Variants in GTF2E2 observed in about 807,000 individuals in gnomAD.
The protein encoded by GTF2E2 is general transcription factor IIE subunit 2, also known as transcription initiation factor IIE subunit beta.
Under a neutral mutation model 40.5 loss-of-function variants are expected in GTF2E2, and 21 were observed. The observed-to-expected ratio is 0.52, with a 90% CI of 0.37 to 0.75. The LOEUF (loss-of-function observed/expected upper bound fraction) is 0.75, where lower values mean the gene tolerates loss of function less well. GTF2E2 is among the 30% of genes least tolerant of loss of function. The pLI is 0.00. For missense variants in GTF2E2, 298 were observed against 338.4 expected (o/e 0.88, Z 0.94); for synonymous variants, 117 against 121.6 (o/e 0.96, Z 0.25).
chr8:30,606,290 T>A (rs944576190), intron 6 of GTF2E2, among the ~76,000 whole-genome samples: 1 of 152,214 alleles, frequency 6.6e-6, no homozygotes, highest in Non-Finnish European at 1.5e-5. Flanking sequence ...TAAAGCCCTA[T>A]CTACCAGAAC....
Position 30,635,313 on chromosome 8 carries a change from G to A in GTF2E2, c.167-190C>T, listed in dbSNP as rs180760276. Among the ~76,000 whole-genome samples the A allele has an allele frequency of 2.6e-5, 4 of 152,114 alleles. No homozygotes were observed. The East Asian group carries it at 5.8e-4, about 22-fold the overall frequency. On this transcript the variant is annotated intron_variant, in intron 2 of 7. Coordinates refer to ENST00000355904, the MANE Select transcript of GTF2E2 (RefSeq NM_002095.6). ...TAAAGTACCAATTTTCTCACTAAGG[G>A]TAGAAACAAAGTATAAATAACTTAA...
At chr8:30,586,526 A>G (rs980186531) in intron 6 of GTF2E2, among the ~76,000 whole-genome samples, 3 of 152,216 alleles carry the variant, frequency 2.0e-5, no homozygotes, top group South Asian at 4.1e-4. Flanking sequence ...TTTTCACATA[A>G]ATAGAAAAAA....
intron 2 of GTF2E2, among the ~76,000 whole-genome samples, chr8:30,640,793 C>G (rs1433455042): frequency 6.6e-6 from 1 of 152,120 alleles, no homozygotes; most frequent in Non-Finnish European, 1.5e-5. Context: ...CAACCTCTGC[C>G]GCCCAGGTTC....
intron 4 of GTF2E2, 32 bp downstream of exon 4, chr8:30,614,576 A>T: frequency 8.5e-7 from 1 of 1,173,322 alleles, no homozygotes; most frequent in Non-Finnish European, 1.3e-6. Context: ...TAGTTACAGG[A>T]AATCTCTCTT....
At chr8:30,637,062 C>T (rs1050088850) in intron 2 of GTF2E2, 2 of 396,446 alleles carry the variant, frequency 5.0e-6, no homozygotes, top group Admixed American at 3.3e-5. Context: ...ATTACTGTCC[C>T]CTTTTAAATA....
At chr8:30,637,474 A>G (rs1359479155) in intron 2 of GTF2E2, among the ~76,000 whole-genome samples, 1 of 152,208 alleles carries the variant, frequency 6.6e-6, no homozygotes, top group Admixed American at 6.5e-5. Flanking sequence ...GCATTCCTTT[A>G]TGGCCCCAGA....
chr8:30,589,908 G>A (rs1490909572), intron 6 of GTF2E2, among the ~76,000 whole-genome samples: 4 of 152,200 alleles, frequency 2.6e-5, no homozygotes, highest in Non-Finnish European at 4.4e-5. Flanking sequence ...TACAATGGGA[G>A]AAACACCATA....
intron 1 of GTF2E2, among the ~76,000 whole-genome samples, chr8:30,655,787 C>T (rs918642223): frequency 6.6e-6 from 1 of 151,920 alleles, no homozygotes; most frequent in East Asian, 1.9e-4. Flanking sequence ...AATCAAAAAC[C>T]TGCCTTCTCT....
chr8:30,629,020 C>T (rs540830690), intron 3 of GTF2E2, among the ~76,000 whole-genome samples: 1 of 152,154 alleles, frequency 6.6e-6, no homozygotes, highest in South Asian at 2.1e-4. Context: ...ATAACTTACA[C>T]TAATTAATTT....
At chr8:30,626,803 A>C (rs566860598) in intron 3 of GTF2E2, among the ~76,000 whole-genome samples, 9 of 152,232 alleles carry the variant, frequency 5.9e-5, no homozygotes, top group Admixed American at 2.0e-4. Flanking sequence ...CTAGGTTAGT[A>C]ATCCAAAGAG....
intron 6 of GTF2E2, among the ~76,000 whole-genome samples, chr8:30,599,280 A>C (rs1051759886): frequency 6.6e-6 from 1 of 152,154 alleles, no homozygotes; most frequent in African/African-American, 2.4e-5. Context: ...AAACCAAAAA[A>C]ATAAATAAAT....
chr8:30,596,236 G>A (rs911018168), intron 6 of GTF2E2, among the ~76,000 whole-genome samples: 2 of 152,016 alleles, frequency 1.3e-5, no homozygotes. Flanking sequence ...TATTTCTTCT[G>A]CCCCGTTTTC....
At chr8:30,592,259 G>C (rs955284682) in intron 6 of GTF2E2, among the ~76,000 whole-genome samples, 8 of 152,124 alleles carry the variant, frequency 5.3e-5, no homozygotes, top group African/African-American at 1.4e-4. Flanking sequence ...CACACCTGTA[G>C]TCCTAGCTAC....
At chr8:30,607,246 A>C (rs1829343364) in intron 5 of GTF2E2, 96 bp from the exon 6 acceptor site, 1 of 530,936 alleles carries the variant, frequency 1.9e-6, no homozygotes, top group Non-Finnish European at 3.4e-6. Context: ...TCATTTCCTT[A>C]ACACACTCAG....
Position 30,578,821 on chromosome 8 carries a change from C to A in GTF2E2, c.*100G>T. Reference sequence around the variant, plus strand: ...TAAACTGAACTGCTCCTCTCCTCAGCCGCAAGAAGCAGATAGGAAGACAGT... The same window carrying A: ...TAAACTGAACTGCTCCTCTCCTCAGACGCAAGAAGCAGATAGGAAGACAGT... On this transcript the variant is annotated 3_prime_UTR_variant, in exon 8 of 8. Transcript: ENST00000355904. The A allele has an allele frequency of 1.4e-6, 1 of 732,392 alleles. No homozygotes were observed. 45.4% of individuals were successfully genotyped at this position (732,392 alleles called of 1,614,324 possible).
At chr8:30,636,857 T>C (rs7462856) in intron 2 of GTF2E2, 12 of 296,112 alleles carry the variant, frequency 4.1e-5, no homozygotes, top group African/African-American at 2.6e-4. Flanking sequence ...GTCTCAAAAT[T>C]AAAAAAAAAA....
chr8:30,619,166 T>C (rs1298789900), intron 3 of GTF2E2, among the ~76,000 whole-genome samples: 1 of 152,036 alleles, frequency 6.6e-6, no homozygotes, highest in Admixed American at 6.6e-5. Context: ...GGTCTCGATC[T>C]CCTGACTTCA....
At chr8:30,637,081 T>C in intron 2 of GTF2E2, 1 of 393,774 alleles carries the variant, frequency 2.5e-6, no homozygotes, top group East Asian at 7.2e-5. Context: ...TATAATAAAA[T>C]TGAGGGTAGT....
intron 5 of GTF2E2, among the ~76,000 whole-genome samples, chr8:30,608,006 G>C (rs1221892394): frequency 6.6e-6 from 1 of 152,172 alleles, no homozygotes; most frequent in Non-Finnish European, 1.5e-5. Context: ...ATAAAAGATT[G>C]GAAGAGTCTT....
Sources: allele counts gnomAD v4.1 joint callset (sites outside exome capture counted in the v4.1 genomes callset), GRCh38; gene constraint gnomAD v4.1.1; transcripts MANE v1.5; gene names NCBI Gene and HGNC (gene_info 2026-07-23, HGNC 2026-07-21).